SPAG16: variants seen among roughly 807,000 people sequenced by gnomAD.
SPAG16 encodes the protein sperm associated antigen 16.
SPAG16 carries 86 observed loss-of-function variants against 80.4 expected under a neutral mutation model. The ratio of observed to expected loss-of-function variants is 1.07; its 90% CI spans 0.90 to 1.28. SPAG16 has a LOEUF of 1.28. Among genes scored for constraint, SPAG16 ranks in the 50% most tolerant of loss-of-function variants. The probability of loss-of-function intolerance (pLI) is 0.00; values close to 1 mark genes in which losing one functional copy is unlikely to be tolerated. For missense variants in SPAG16, 870 were observed against 765.3 expected (o/e 1.14, Z -1.61); for synonymous variants, 294 against 265.9 (o/e 1.11, Z -1.03).
At chr2:213,929,204 G>A (rs1261273503) in intron 11 of SPAG16, among the ~76,000 whole-genome samples, 1 of 151,486 alleles carries the variant, frequency 6.6e-6, no homozygotes, top group Admixed American at 6.6e-5. Context: ...AGTAGAGACG[G>A]GGTTTCACCT....
chr2:214,221,925 G>A (rs2058581352), intron 15 of SPAG16, among the ~76,000 whole-genome samples: 1 of 151,410 alleles, frequency 6.6e-6, no homozygotes, highest in Admixed American at 6.6e-5. Flanking sequence ...ATTAAAATTG[G>A]TAAACTGCCA....
At chr2:214,290,985 A>C (rs1693751315) in intron 15 of SPAG16, among the ~76,000 whole-genome samples, 1 of 152,162 alleles carries the variant, frequency 6.6e-6, no homozygotes, top group South Asian at 2.1e-4. Flanking sequence ...TATTGTATTG[A>C]AGTGTACCTC....
At chr2:213,548,317 G>T (rs1382376144) in intron 10 of SPAG16, among the ~76,000 whole-genome samples, 1 of 151,960 alleles carries the variant, frequency 6.6e-6, no homozygotes, top group African/African-American at 2.4e-5. Flanking sequence ...GGTTCACGCC[G>T]TTCTCCTGCC....
chr2:213,582,292 A>G (rs1309477792), intron 10 of SPAG16, among the ~76,000 whole-genome samples: 2 of 152,050 alleles, frequency 1.3e-5, no homozygotes, highest in African/African-American at 4.8e-5. Context: ...TAACATCATC[A>G]TGGATCTTAC....
intron 15 of SPAG16, among the ~76,000 whole-genome samples, chr2:214,299,772 A>G (rs949609096): frequency 6.6e-6 from 1 of 152,170 alleles, no homozygotes. Context: ...AAGTCTCTTC[A>G]GATTACTCAA....
At chr2:213,756,848 C>T (rs1055437637) in intron 10 of SPAG16, among the ~76,000 whole-genome samples, 1 of 152,004 alleles carries the variant, frequency 6.6e-6, no homozygotes, top group Non-Finnish European at 1.5e-5. Flanking sequence ...GCTAATATCT[C>T]AATGATGGCT....
intron 10 of SPAG16, among the ~76,000 whole-genome samples, chr2:213,642,376 A>G (rs1414406516): frequency 6.6e-6 from 1 of 152,058 alleles, no homozygotes; most frequent in Non-Finnish European, 1.5e-5. Context: ...TTTCATCACC[A>G]ACTTCCTTTA....
At chr2:213,847,498 A>G (rs1185584709) in intron 10 of SPAG16, among the ~76,000 whole-genome samples, 1 of 152,118 alleles carries the variant, frequency 6.6e-6, no homozygotes, top group African/African-American at 2.4e-5. Flanking sequence ...CACACTTTGA[A>G]ACAACCAGAT....
At chr2:213,330,804 G>C (rs1343983242) in intron 5 of SPAG16, among the ~76,000 whole-genome samples, 1 of 152,136 alleles carries the variant, frequency 6.6e-6, no homozygotes, top group Non-Finnish European at 1.5e-5. Context: ...GGACCCAGTG[G>C]GAGGTAATTG....
At chr2:213,496,716 CAT>C (rs113971710) in intron 10 of SPAG16, among the ~76,000 whole-genome samples, 1 of 150,238 alleles carries the variant, frequency 6.7e-6, no homozygotes, top group Non-Finnish European at 1.5e-5. Flanking sequence ...TATACATATC[CAT>C]ATATATAATG....
chr2:214,180,339 G>A (rs750676020), intron 15 of SPAG16, among the ~76,000 whole-genome samples: 9 of 133,828 alleles, frequency 6.7e-5, no homozygotes, highest in Middle Eastern at 3.7e-3. Flanking sequence ...AGCCCTCTTT[G>A]TTCATATGTT....
At chr2:213,575,633 A>G (rs927565407) in intron 10 of SPAG16, among the ~76,000 whole-genome samples, 1 of 152,188 alleles carries the variant, frequency 6.6e-6, no homozygotes, top group Non-Finnish European at 1.5e-5. Flanking sequence ...ATGAAATGTC[A>G]TGCCAATTTC....
At chr2:213,471,044 A>G (rs2073050057) in intron 9 of SPAG16, among the ~76,000 whole-genome samples, 1 of 152,198 alleles carries the variant, frequency 6.6e-6, no homozygotes, top group East Asian at 1.9e-4. Flanking sequence ...GCACTGCTCA[A>G]AGTTCTGCCT....
At chr2:213,828,260 TA>T (rs2125710296) in intron 10 of SPAG16, among the ~76,000 whole-genome samples, 1 of 152,294 alleles carries the variant, frequency 6.6e-6, no homozygotes, top group African/African-American at 2.4e-5. Context: ...AGCCTGTCTT[TA>T]GGCTCACTAA....
intron 15 of SPAG16, among the ~76,000 whole-genome samples, chr2:214,316,674 G>A (rs1695718958): frequency 6.6e-6 from 1 of 152,002 alleles, no homozygotes; most frequent in Non-Finnish European, 1.5e-5. Context: ...ATCCAAATTT[G>A]TAGATCCTCA....
chr2:213,483,447 T>C (rs752618654), intron 9 of SPAG16, among the ~76,000 whole-genome samples: 1 of 152,208 alleles, frequency 6.6e-6, no homozygotes, highest in African/African-American at 2.4e-5. Context: ...ACATGGTATA[T>C]ATATTGAACC....
At chr2:214,072,374 T>C (rs2050828741) in intron 13 of SPAG16, among the ~76,000 whole-genome samples, 1 of 152,164 alleles carries the variant, frequency 6.6e-6, no homozygotes, top group Admixed American at 6.6e-5. Flanking sequence ...TTTCAAATTC[T>C]ATTAAAAAAT....
intron 13 of SPAG16, among the ~76,000 whole-genome samples, chr2:214,062,281 G>C (rs1168049185): frequency 1.3e-5 from 2 of 151,788 alleles, no homozygotes; most frequent in Non-Finnish European, 2.9e-5. Context: ...TTAGTTAGGT[G>C]TGGTGGCACA....
At chr2:213,590,350 C>T (rs1189713661) in intron 10 of SPAG16, among the ~76,000 whole-genome samples, 1 of 151,782 alleles carries the variant, frequency 6.6e-6, no homozygotes, top group African/African-American at 2.4e-5. Flanking sequence ...CAACCCTTTC[C>T]CTCCATTCAC....
Sources: gnomAD v4.1 joint callset for allele counts (sites outside exome capture counted in the v4.1 genomes callset) on GRCh38, gnomAD v4.1.1 for gene constraint, MANE v1.5 for transcripts, NCBI Gene and HGNC (gene_info 2026-07-23, HGNC 2026-07-21) for gene names.